VWA8: variants seen among roughly 807,000 people sequenced by gnomAD.
VWA8 encodes the protein von Willebrand factor A domain-containing protein 8.
Under a neutral mutation model 241.5 loss-of-function variants are expected in VWA8, and 221 were observed. The ratio of observed to expected loss-of-function variants is 0.91; its 90% CI spans 0.82 to 1.02. VWA8 has a LOEUF of 1.02. Among genes scored for constraint, VWA8 ranks in the 50% least tolerant of loss-of-function variants. The probability of loss-of-function intolerance (pLI) is 0.00; values close to 1 mark genes in which losing one functional copy is unlikely to be tolerated. For synonymous variants in VWA8, 852 were observed against 827.1 expected, an observed-to-expected ratio of 1.03 and a Z score of -0.52; for missense variants, 2,322 against 2,328.7, an observed-to-expected ratio of 1.00 and a Z score of 0.06.
chr13:41,937,824 A>C (rs1877420663), intron 2 of VWA8, among the ~76,000 whole-genome samples: 1 of 152,214 alleles, frequency 6.6e-6, no homozygotes, highest in Admixed American at 6.5e-5. Context: ...TCTGCAATGA[A>C]AGTTGCAGAA....
chr13:41,636,923 T>G (rs576284512), intron 37 of VWA8, among the ~76,000 whole-genome samples: 383 of 151,652 alleles, frequency 2.5e-3, no homozygotes, highest in African/African-American at 7.1e-3. Context: ...CAACAGGTGC[T>G]GGAGAGGATG....
chr13:41,744,948 C>T (rs1372179473), intron 21 of VWA8, among the ~76,000 whole-genome samples: 1 of 152,096 alleles, frequency 6.6e-6, no homozygotes, highest in Admixed American at 6.5e-5. Context: ...CGCCATTCTC[C>T]TGCCTCAGCC....
chr13:41,650,684 G>C (rs1005473510), intron 37 of VWA8, among the ~76,000 whole-genome samples: 8 of 152,170 alleles, frequency 5.3e-5, no homozygotes, highest in Non-Finnish European at 7.3e-5. Context: ...GTGGGTGCTG[G>C]GGGTGCCAGC....
At chr13:41,728,718 C>T (rs1325991724) in intron 23 of VWA8, among the ~76,000 whole-genome samples, 1 of 151,672 alleles carries the variant, frequency 6.6e-6, no homozygotes, top group Non-Finnish European at 1.5e-5. Context: ...TTTATTAGTG[C>T]TAAGCTCATA....
At chr13:41,835,004 T>C (rs1209475007) in intron 12 of VWA8, among the ~76,000 whole-genome samples, 1 of 152,176 alleles carries the variant, frequency 6.6e-6, no homozygotes, top group Non-Finnish European at 1.5e-5. Flanking sequence ...TACCACGTGT[T>C]CTCACTTATA....
At chr13:41,691,539 T>C (rs2045177654) in intron 31 of VWA8, 94 bp from the exon 32 acceptor site, 1 of 1,424,356 alleles carries the variant, frequency 7.0e-7, no homozygotes, top group Non-Finnish European at 9.3e-7. Context: ...ATGCAACCCA[T>C]AAAAAGAATG....
At chr13:41,679,726 A>T (rs2045084551) in intron 35 of VWA8, among the ~76,000 whole-genome samples, 1 of 152,212 alleles carries the variant, frequency 6.6e-6, no homozygotes, top group African/African-American at 2.4e-5. Context: ...GACTAATTAG[A>T]TGGTTGGATT....
chr13:41,718,470 C>G (rs1369700658), intron 26 of VWA8, among the ~76,000 whole-genome samples: 4 of 151,870 alleles, frequency 2.6e-5, no homozygotes, highest in Non-Finnish European at 4.4e-5. Context: ...CCCAGTCATT[C>G]TTCTGGAAAA....
intron 42 of VWA8, among the ~76,000 whole-genome samples, chr13:41,583,392 C>T (rs1372492921): frequency 2.0e-5 from 3 of 152,028 alleles, no homozygotes; most frequent in Non-Finnish European, 2.9e-5. Flanking sequence ...GCCTGTAATC[C>T]CAGCACTTTG....
Position 41,611,589 on chromosome 13 carries a change from C to G in VWA8, c.4864G>C (p.Ala1622Pro), listed in dbSNP as rs746508858. The change falls in exon 39 of 45, where the codon GCA becomes CCA. Residue 1622 changes from alanine (A) to proline (P), a missense_variant. Physicochemically the swap from Ala to Pro is conservative, Grantham distance 27. Transcript: ENST00000379310. The stretch of plus-strand genomic sequence containing the variant: ...GGGAGCACTGACCTCTGCTGGAATG[C>G]TCTCTGGCCCATCTCTCTAGCAGCT... ...KRAAREMGQR[A>P]FQQRLKEIQM... The G allele has an allele frequency of 6.2e-7, 1 of 1,613,994 alleles. No individual in the cohort carries two copies. The highest frequency in any genetic ancestry group is 1.7e-5 in the Admixed American group (1 of 60,008).
At chr13:41,636,036 C>T (rs961655199) in intron 37 of VWA8, among the ~76,000 whole-genome samples, 7 of 151,984 alleles carry the variant, frequency 4.6e-5, no homozygotes, top group African/African-American at 9.7e-5. Context: ...AAATCAAAGC[C>T]GAATAAACCA....
rs1313702498 is a variant in VWA8, at chr13:41,882,349, G to A, written c.1080+1038C>T. 2.2e-3 allele frequency among the ~76,000 whole-genome samples: 320 copies of A among 146,930 alleles called. 1 individual carries two copies. The highest frequency in any genetic ancestry group is 5.6e-3 in the African/African-American group (222 of 39,644). ...GCAGCCAGGCAGAGGGGCTCCTCAC[G>A]TCCCAGACGACGGGCGGCCAGGCAG... On this transcript the variant is annotated intron_variant, in intron 9 of 44. Transcript: ENST00000379310.
chr13:41,718,401 T>A (rs1239361160), intron 26 of VWA8, among the ~76,000 whole-genome samples: 1 of 151,944 alleles, frequency 6.6e-6, no homozygotes, highest in African/African-American at 2.4e-5. Flanking sequence ...CCATAAGGAC[T>A]GCTAATCCAT....
At chr13:41,916,116 C>T (rs536022771) in intron 2 of VWA8, among the ~76,000 whole-genome samples, 51 of 152,218 alleles carry the variant, frequency 3.4e-4, no homozygotes, top group African/African-American at 1.2e-3. Flanking sequence ...ATAATAGATA[C>T]AATTGTACTT....
chr13:41,825,146 T>C (rs1871126740), intron 14 of VWA8, among the ~76,000 whole-genome samples: 1 of 152,238 alleles, frequency 6.6e-6, no homozygotes, highest in African/African-American at 2.4e-5. Context: ...TTTACATATC[T>C]GTCTTCATGT....
chr13:41,738,146 G>A (rs1427492907), intron 21 of VWA8, among the ~76,000 whole-genome samples: 3 of 152,066 alleles, frequency 2.0e-5, no homozygotes, highest in East Asian at 1.9e-4. Flanking sequence ...ACGCTTTGAG[G>A]GAAAAGTCCT....
At position 41,887,374 on chromosome 13, in the gene VWA8, G is replaced by A. The variant is rs778904627; in HGVS notation, c.652-13C>T. On this transcript the variant is annotated splice_polypyrimidine_tract_variant and intron_variant, in intron 5 of 44. Transcript: ENST00000379310. ...TTTTGGTATGATCCTATAAAAGTAA[G>A]AGATCCGGAAGCTATAGCATAAATG... 7.1e-5 allele frequency: 114 copies of A among 1,604,806 alleles called. No individual in the cohort carries two copies. In the Admixed American group the frequency reaches 1.9e-3, roughly 27 times the overall value.
At chr13:41,877,472 T>C (rs558572961) in intron 9 of VWA8, among the ~76,000 whole-genome samples, 22 of 152,232 alleles carry the variant, frequency 1.4e-4, no homozygotes, top group Non-Finnish European at 2.9e-4. Context: ...ATTAATATTG[T>C]AACTTCCTCA....
At chr13:41,637,038 C>A (rs943102868) in intron 37 of VWA8, among the ~76,000 whole-genome samples, 7 of 150,526 alleles carry the variant, frequency 4.7e-5, no homozygotes, top group African/African-American at 1.7e-4. Context: ...CTAGAAATAC[C>A]ATTTGACCCA....
Sources: allele counts gnomAD v4.1 joint callset (sites outside exome capture counted in the v4.1 genomes callset), GRCh38; gene constraint gnomAD v4.1.1; transcripts MANE v1.5; gene names NCBI Gene and HGNC (gene_info 2026-07-23, HGNC 2026-07-21).